Variants in MSI2 observed in about 807,000 individuals in gnomAD.
The protein encoded by MSI2 is musashi RNA binding protein 2, also known as RNA-binding protein Musashi homolog 2.
In MSI2, 17 loss-of-function variants were observed where a neutral mutation model predicts 45.6. The ratio of observed to expected loss-of-function variants is 0.37; its 90% CI spans 0.26 to 0.56. The LOEUF (loss-of-function observed/expected upper bound fraction) is 0.56. Ranked by LOEUF, MSI2 falls within the 20% of genes least tolerant of loss-of-function variation. The pLI, the probability that MSI2 is intolerant of heterozygous loss-of-function variation, is 0.77. For synonymous variants in MSI2, 156 were observed against 158.2 expected, an observed-to-expected ratio of 0.99 and a Z score of 0.11; for missense variants, 293 against 444.2, an observed-to-expected ratio of 0.66 and a Z score of 3.06.
At chr17:57,442,455 G>A (rs921376969) in intron 6 of MSI2, among the ~76,000 whole-genome samples, 2 of 152,214 alleles carry the variant, frequency 1.3e-5, no homozygotes, top group Admixed American at 1.3e-4. Context: ...AGGTTTTTGT[G>A]TGGGCGTTTA....
At chr17:57,270,057 C>G (rs1264944043) in intron 5 of MSI2, among the ~76,000 whole-genome samples, 1 of 152,172 alleles carries the variant, frequency 6.6e-6, no homozygotes, top group African/African-American at 2.4e-5. Context: ...TAGCACCAGG[C>G]TTCCAACCAT....
chr17:57,384,125 G>A (rs1188434271), intron 5 of MSI2, among the ~76,000 whole-genome samples: 2 of 152,168 alleles, frequency 1.3e-5, no homozygotes, highest in African/African-American at 4.8e-5. Context: ...AGTTATTGTT[G>A]CTGTGGAACA....
intron 5 of MSI2, among the ~76,000 whole-genome samples, chr17:57,399,494 C>T (rs1567801544): frequency 6.6e-6 from 1 of 150,970 alleles, no homozygotes; most frequent in Non-Finnish European, 1.5e-5. Context: ...AACAAGAGCT[C>T]CCTGGAGTCT....
chr17:57,470,299 A>G (rs1421577662), intron 6 of MSI2, among the ~76,000 whole-genome samples: 31 of 141,734 alleles, frequency 2.2e-4, no homozygotes. Flanking sequence ...TTTTTTTGAG[A>G]TGGAGTCTTG....
At chr17:57,443,360 C>G (rs2084836325) in intron 6 of MSI2, among the ~76,000 whole-genome samples, 1 of 152,182 alleles carries the variant, frequency 6.6e-6, no homozygotes, top group Admixed American at 6.5e-5. Context: ...GCTGTTGGTG[C>G]TGACTAATAG....
intron 5 of MSI2, among the ~76,000 whole-genome samples, chr17:57,308,830 T>G (rs77944066): frequency 0.017 from 2,546 of 152,272 alleles, 27 homozygotes; most frequent in Non-Finnish European, 0.026. Context: ...GAGCTGTTTT[T>G]CCTGGTGAGT....
chr17:57,598,514 A>T (rs1451058347), intron 8 of MSI2, among the ~76,000 whole-genome samples: 1 of 152,126 alleles, frequency 6.6e-6, no homozygotes, highest in Non-Finnish European at 1.5e-5. Context: ...TGCGTACTGT[A>T]TGTTGGAGGC....
chr17:57,563,703 G>GTCTC (rs1567902318), intron 7 of MSI2, among the ~76,000 whole-genome samples: 3 of 147,968 alleles, frequency 2.0e-5, no homozygotes, highest in Non-Finnish European at 3.0e-5. Context: ...CTGTCTGTCT[G>GTCTC]TCTGTCTCTC....
At chr17:57,313,145 G>A (rs970161982) in intron 5 of MSI2, among the ~76,000 whole-genome samples, 6 of 152,076 alleles carry the variant, frequency 3.9e-5, no homozygotes, top group Non-Finnish European at 7.4e-5. Flanking sequence ...GCACCCGGCC[G>A]GCATTCGTTT....
intron 6 of MSI2, among the ~76,000 whole-genome samples, chr17:57,506,125 C>A (rs1433833904): frequency 1.3e-5 from 2 of 152,198 alleles, no homozygotes; most frequent in African/African-American, 4.8e-5. Flanking sequence ...CTGTGGCAAG[C>A]GGAGGTGGGA....
intron 5 of MSI2, among the ~76,000 whole-genome samples, chr17:57,388,312 G>C (rs1290930444): frequency 6.6e-6 from 1 of 152,216 alleles, no homozygotes; most frequent in East Asian, 1.9e-4. Flanking sequence ...TGGGCTGGGG[G>C]GAATTTGACT....
At chr17:57,267,743 T>A (rs1907946933) in intron 5 of MSI2, 1 of 152,068 alleles carries the variant, frequency 6.6e-6, no homozygotes, top group African/African-American at 2.4e-5. Flanking sequence ...TTGGAGGGAT[T>A]CAGGAAATAC....
intron 5 of MSI2, chr17:57,277,858 T>C (rs776633487): frequency 2.6e-5 from 4 of 152,246 alleles, no homozygotes; most frequent in Non-Finnish European, 5.9e-5. Flanking sequence ...CATAGTGATT[T>C]GACCAAAGGT....
intron 11 of MSI2, among the ~76,000 whole-genome samples, chr17:57,670,647 C>G (rs1228354490): frequency 6.6e-6 from 1 of 152,184 alleles, no homozygotes; most frequent in African/African-American, 2.4e-5. Context: ...GGTCCCCATT[C>G]CCAGGAGTCC....
chr17:57,509,677 TC>T (rs1253021401), intron 6 of MSI2, among the ~76,000 whole-genome samples: 1 of 152,164 alleles, frequency 6.6e-6, no homozygotes, highest in Non-Finnish European at 1.5e-5. Flanking sequence ...CACCTCGGCC[TC>T]CCAAAGTGCT....
chr17:57,402,331 C>T (rs185194392), intron 6 of MSI2, among the ~76,000 whole-genome samples: 488 of 152,298 alleles, frequency 3.2e-3, no homozygotes, highest in Non-Finnish European at 5.2e-3. Context: ...AGGCTGCGTC[C>T]TGCATCTTTG....
chr17:57,371,107 T>A (rs1387377510), intron 5 of MSI2, among the ~76,000 whole-genome samples: 2 of 152,224 alleles, frequency 1.3e-5, no homozygotes, highest in Non-Finnish European at 2.9e-5. Context: ...AAAAAGGAGA[T>A]AAATGTAAAT....
intron 9 of MSI2, among the ~76,000 whole-genome samples, chr17:57,621,010 G>A (rs568429111): frequency 6.6e-6 from 1 of 152,270 alleles, no homozygotes; most frequent in African/African-American, 2.4e-5. Context: ...TGGCCCTCTG[G>A]GTCTATGGAC....
At chr17:57,328,725 TG>T (rs1219490502) in intron 5 of MSI2, among the ~76,000 whole-genome samples, 1 of 152,068 alleles carries the variant, frequency 6.6e-6, no homozygotes, top group East Asian at 1.9e-4. Context: ...TGAACATCTT[TG>T]AAGAGTCTTT....
Sources: gnomAD v4.1 joint callset for allele counts (sites outside exome capture counted in the v4.1 genomes callset) on GRCh38, gnomAD v4.1.1 for gene constraint, MANE v1.5 for transcripts, NCBI Gene and HGNC (gene_info 2026-07-23, HGNC 2026-07-21) for gene names.